CACNA1A: variants seen among roughly 807,000 people sequenced by gnomAD.
The protein encoded by CACNA1A is calcium voltage-gated channel subunit alpha1 A.
Under a neutral mutation model 262.4 loss-of-function variants are expected in CACNA1A, and 57 were observed. That is an observed-to-expected ratio of 0.22 (90% confidence interval 0.18 to 0.27). CACNA1A has a LOEUF of 0.27. Ranked by LOEUF, CACNA1A falls within the 10% of genes least tolerant of loss-of-function variation. The pLI is 1.00. For missense variants in CACNA1A, 2,526 were observed against 3,562.8 expected, an observed-to-expected ratio of 0.71 and a Z score of 7.41; for synonymous variants, 1,431 against 1,419.3, an observed-to-expected ratio of 1.01 and a Z score of -0.18.
chr19:13,348,645 G>C (rs1470997063), intron 6 of CACNA1A, among the ~76,000 whole-genome samples: 7 of 152,202 alleles, frequency 4.6e-5, no homozygotes, highest in Admixed American at 4.6e-4. Context: ...AGACCATCCT[G>C]GCCAACATGG....
At chr19:13,422,667 A>AC (rs1326679413) in intron 3 of CACNA1A, among the ~76,000 whole-genome samples, 2 of 152,184 alleles carry the variant, frequency 1.3e-5, no homozygotes, top group Non-Finnish European at 2.9e-5. Flanking sequence ...CCTGGGACAC[A>AC]CGGTATCAGT....
rs750134066 is a variant in CACNA1A at position 13,359,593 on chromosome 19, C to A, written c.978+13G>T. On this transcript the variant is annotated intron_variant, in intron 6 of 46. Transcript: ENST00000360228. ...CTCTGATTGTCCACACACACTGTCC[C>A]AGCATCACTTACATTGTAGAGGAGA... is the stretch of plus-strand genomic sequence containing the variant. The A allele has an allele frequency of 6.3e-7, 1 of 1,599,572 alleles. No homozygotes were observed. Among genetic ancestry groups the A allele is most frequent in the South Asian group, 1.1e-5 (1 of 89,302 alleles).
chr19:13,209,330 A>G lies in CACNA1A; in HGVS notation c.6508T>C (p.Tyr2170His), dbSNP rs916868645. ...HRASERSLGR[Y>H]TDVDTGLGTD... ...TGCCCACCTGTGTCCACATCGGTGT[A>G]GCGGCCCAGGGAGCGCTCAGAGGCG... The change falls in exon 45 of 47, where the codon TAC (tyrosine) becomes CAC (histidine). Residue 2170 changes from tyrosine (Y) to histidine (H), a missense_variant. Transcript: ENST00000360228. The G allele has an allele frequency of 1.4e-6, 2 of 1,397,928 alleles. No homozygotes were observed. Among genetic ancestry groups the G allele is most frequent in the South Asian group, 1.7e-5 (1 of 58,876 alleles). 86.6% of individuals were successfully genotyped at this position (1,397,928 alleles called of 1,614,324 possible).
chr19:13,305,828 G>A (rs1334922996), intron 15 of CACNA1A, among the ~76,000 whole-genome samples: 1 of 152,140 alleles, frequency 6.6e-6, no homozygotes, highest in Non-Finnish European at 1.5e-5. Flanking sequence ...TTGGGAGGCC[G>A]AGGCAGGCAG....
intron 12 of CACNA1A, among the ~76,000 whole-genome samples, chr19:13,309,606 T>A (rs971137995): frequency 6.6e-6 from 1 of 151,666 alleles, no homozygotes; most frequent in Admixed American, 6.6e-5. Context: ...GGAGGGAGGA[T>A]AGCTTGAGCC....
chr19:13,294,203 CAAAAA>C (rs57648096), intron 19 of CACNA1A, among the ~76,000 whole-genome samples: 1 of 99,634 alleles, frequency 1.0e-5, no homozygotes, highest in African/African-American at 3.8e-5. Context: ...GACCCTGCCT[CAAAAA>C]AAAAAAAAAA....
chr19:13,406,445 ACT>A (rs1342831333), intron 3 of CACNA1A, among the ~76,000 whole-genome samples: 12 of 123,588 alleles, frequency 9.7e-5, no homozygotes, highest in African/African-American at 3.9e-4. Flanking sequence ...ACAGAGGGAG[ACT>A]CTGTCTCAAA....
chr19:13,452,337 T>C (rs1366989905), intron 3 of CACNA1A: 2 of 152,424 alleles, frequency 1.3e-5, no homozygotes, highest in African/African-American at 4.8e-5. Flanking sequence ...TAGCTTGCTT[T>C]TCTCCTTTGT....
At chr19:13,467,974 G>GTC (rs1353249745) in intron 1 of CACNA1A, among the ~76,000 whole-genome samples, 3 of 147,504 alleles carry the variant, frequency 2.0e-5, no homozygotes, top group African/African-American at 7.9e-5. Flanking sequence ...ATGAGTGAGT[G>GTC]TGTGTGTGTG....
At chr19:13,447,882 G>A (rs1444869155) in intron 3 of CACNA1A, among the ~76,000 whole-genome samples, 1 of 152,130 alleles carries the variant, frequency 6.6e-6, no homozygotes, top group Non-Finnish European at 1.5e-5. Context: ...ATTAGATGGT[G>A]CCCACACAGA....
rs1568507151 is a variant in CACNA1A, at chr19:13,298,594, G to A, written c.3039C>T (p.Tyr1013=). 1.3e-6 allele frequency: 2 copies of A among 1,540,774 alleles called. No homozygotes were observed. The highest frequency in any genetic ancestry group is 5.1e-5 in the East Asian group (2 of 39,078). ...TGTCCTCCCTCCGCGCGTCCCCCTC[G>A]TACGTGGCTGGAGCGCCATGCCGGT... ...RRHRHGAPAT[Y]EGDARREDKE... is the part of the protein sequence containing the mutation. Residue 1013 remains tyrosine, a synonymous_variant, in exon 19 of 47, where the codon TAC becomes TAT. Transcript: ENST00000360228.
At chr19:13,450,742 A>G (rs1173622547) in intron 3 of CACNA1A, 1 of 152,280 alleles carries the variant, frequency 6.6e-6, no homozygotes, top group African/African-American at 2.4e-5. Context: ...GCTGGTCTCA[A>G]ACTAGTTAGG....
At chr19:13,402,877 T>TATATATATATATATATA (rs1568611130) in intron 3 of CACNA1A, among the ~76,000 whole-genome samples, 1 of 47,068 alleles carries the variant, frequency 2.1e-5, no homozygotes, top group Non-Finnish European at 3.3e-5. Context: ...CACACACATA[T>TATATATATATATATATA]ATATATATAT....
intron 1 of CACNA1A, among the ~76,000 whole-genome samples, chr19:13,464,267 C>A (rs2061178567): frequency 6.6e-6 from 1 of 152,060 alleles, no homozygotes; most frequent in African/African-American, 2.4e-5. Context: ...GGCATGTTGG[C>A]ACATGCCTGT....
At position 13,356,845 on chromosome 19, in the gene CACNA1A, T is replaced by C. The variant is rs569575872; in HGVS notation, c.978+2761A>G. Reference sequence around the variant, plus strand: ...AAATTCCCCAGTGAGTTTTGGCCAATTGGGCTGACCCTTTGTCCAAGCTGT... The same window carrying C: ...AAATTCCCCAGTGAGTTTTGGCCAACTGGGCTGACCCTTTGTCCAAGCTGT... On this transcript the variant is annotated intron_variant, in intron 6 of 46. Coordinates refer to ENST00000360228, the MANE Select transcript of CACNA1A (RefSeq NM_001127222.2). Among the ~76,000 whole-genome samples, 47 of 152,270 alleles carry C rather than the reference T, an allele frequency of 3.1e-4. No individual in the cohort carries two copies. In the South Asian group the frequency reaches 8.5e-3, roughly 28 times the overall value.
At chr19:13,208,350 G>A (rs1195263357) in intron 46 of CACNA1A, among the ~76,000 whole-genome samples, 4 of 152,120 alleles carry the variant, frequency 2.6e-5, no homozygotes, top group East Asian at 3.9e-4. Flanking sequence ...TGTAAGTTTC[G>A]GGGTTAAAAA....
chr19:13,337,110 T>TG (rs1423151670), intron 6 of CACNA1A, among the ~76,000 whole-genome samples: 1 of 152,248 alleles, frequency 6.6e-6, no homozygotes, highest in Non-Finnish European at 1.5e-5. Flanking sequence ...GTGGAGCAAC[T>TG]GGAACCCTCA....
chr19:13,402,393 T>C (rs906306522), intron 3 of CACNA1A, among the ~76,000 whole-genome samples: 1 of 151,170 alleles, frequency 6.6e-6, no homozygotes, highest in Non-Finnish European at 1.5e-5. Flanking sequence ...GGGGGAAGAG[T>C]AGGAGGTGAG....
At chr19:13,265,499 C>T (rs7251403) in intron 24 of CACNA1A, among the ~76,000 whole-genome samples, 8 of 151,860 alleles carry the variant, frequency 5.3e-5, no homozygotes, top group Non-Finnish European at 1.0e-4. Flanking sequence ...AACTCTGAAC[C>T]TTTTTTTTTC....
Sources: allele counts gnomAD v4.1 joint callset (sites outside exome capture counted in the v4.1 genomes callset), GRCh38; gene constraint gnomAD v4.1.1; transcripts MANE v1.5; gene names NCBI Gene and HGNC (gene_info 2026-07-23, HGNC 2026-07-21).